TTN: variants seen among roughly 807,000 people sequenced by gnomAD.
TTN encodes connectin.
A neutral mutation model predicts 3,223.0 loss-of-function variants in TTN; 1,525 were observed. That is an observed-to-expected ratio of 0.47 (90% CI 0.45 to 0.49). TTN has a LOEUF of 0.49. Among genes scored for constraint, TTN ranks in the 20% least tolerant of loss-of-function variants. The pLI, the probability that TTN is intolerant of heterozygous loss-of-function variation, is 0.00. For synonymous variants in TTN, 14,094 were observed against 15,161.0 expected (o/e 0.93, Z 5.17); for missense variants, 40,786 against 43,424.0 (o/e 0.94, Z 5.40).
At position 178,683,237 on chromosome 2, in the gene TTN, G is replaced by A. The variant is rs879164831; in HGVS notation, c.32861C>T (p.Pro10954Leu). ...TTTGATGGGTTGAGGTTCTCTTTTT[G>A]GAGCTTCAATTGATACTTTTTCTTC... The part of the protein sequence containing the change: ...VKEEKVSIEA[P>L]KREPQPIKEV... Residue 10954 changes from proline to leucine, a missense_variant, in exon 134 of 363, where the codon CCA (proline) becomes CTA (leucine). Coordinates refer to ENST00000589042, the MANE Select transcript of TTN (RefSeq NM_001267550.2). 3 of 1,552,380 alleles carry A rather than the reference G, an allele frequency of 1.9e-6. No individual in the cohort carries two copies. The highest frequency in any genetic ancestry group is 1.7e-6 in the Non-Finnish European group (2 of 1,145,810).
chr2:178,613,299 G>A, intron 263 of TTN, 23 bp from the exon 264 acceptor site: 2 of 1,545,308 alleles, frequency 1.3e-6, no homozygotes, highest in Non-Finnish European at 1.8e-6. Context: ...CAAAGTGCAT[G>A]TGTATCATCA....
intron 106 of TTN, 94 bp from the exon 107 acceptor site, chr2:178,702,757 G>T: frequency 7.8e-7 from 1 of 1,277,524 alleles, no homozygotes. Context: ...CTCCATCTTT[G>T]TACCCAGTTA....
chr2:178,737,331 C>T (rs1483913438), intron 49 of TTN: 1 of 150,436 alleles, frequency 6.6e-6, no homozygotes, highest in African/African-American at 2.5e-5. Flanking sequence ...GGTGGAGTCT[C>T]GCTATGTTGC....
chr2:178,612,474 G>C lies in TTN; in HGVS notation c.50051C>G (p.Thr16684Ser). 6.2e-7 allele frequency: 1 copy of C among 1,612,258 alleles called. No homozygotes were observed. Among genetic ancestry groups the C allele is most frequent in the Non-Finnish European group, 8.5e-7 (1 of 1,179,180 alleles). The change falls in exon 266 of 363, where the codon ACC becomes AGC. Residue 16684 changes from threonine to serine, a missense_variant. Coordinates refer to ENST00000589042, the MANE Select transcript of TTN (RefSeq NM_001267550.2). ...VPEKDGGSPI[T>S]NYIVEKRDVR... ...GTCTCTCTTTTCCACAATGTAGTTG[G>C]TGATGGGGGACCCTCCATCTTTCTC...
At position 178,618,556 on chromosome 2, in the gene TTN, A is replaced by G. The variant is rs747420979; in HGVS notation, c.46966+28T>C. Reference sequence around the variant, plus strand: ...CTTGCTTTTAAATTGTGCTTTGCCAATTAAGTCTGAGAGACCCAAGGGCTT... The same window carrying G: ...CTTGCTTTTAAATTGTGCTTTGCCAGTTAAGTCTGAGAGACCCAAGGGCTT... On this transcript the variant is annotated intron_variant, in intron 251 of 362. Transcript: ENST00000589042. The G allele has an allele frequency of 5.0e-5, 81 of 1,607,506 alleles. No homozygotes were observed. In the South Asian group the frequency reaches 6.8e-4, roughly 14 times the overall value.
intron 120 of TTN, 117 bp downstream of exon 120, chr2:178,692,380 A>T: frequency 9.8e-7 from 1 of 1,022,864 alleles, no homozygotes; most frequent in African/African-American, 1.6e-5. Flanking sequence ...ATCAATATAC[A>T]CAGAATTAAA....
At chr2:178,665,654 G>A in intron 164 of TTN, 54 bp downstream of exon 164, 1 of 1,290,656 alleles carries the variant, frequency 7.7e-7, no homozygotes, top group Non-Finnish European at 1.0e-6. Flanking sequence ...CTAGCACCCT[G>A]TACATGCTAA....
chr2:178,567,201 G>A lies in TTN; in HGVS notation c.78931C>T (p.Pro26311Ser), dbSNP rs888575364. 4.3e-6 allele frequency: 7 copies of A among 1,612,162 alleles called. No individual in the cohort carries two copies. The highest frequency in any genetic ancestry group is 5.9e-6 in the Non-Finnish European group (7 of 1,178,936). The change falls in exon 326 of 363, where the codon CCA becomes TCA. Residue 26311 changes from proline (P) to serine (S), a missense_variant. Physicochemically the swap from Pro to Ser is moderately conservative, Grantham distance 74. Coordinates refer to ENST00000589042, the MANE Select transcript of TTN (RefSeq NM_001267550.2). ...SEKCSLTWSPPLQDGGSDISH... is the reference protein window; with the variant it reads ...SEKCSLTWSPSLQDGGSDISH... ...ATGTCACTGCCACCATCTTGAAGTG[G>A]TGGAGACCATGTTAAAGAGCATTTT...
At chr2:178,764,865 G>C in intron 41 of TTN, 54 bp from the exon 42 acceptor site, 1 of 1,601,524 alleles carries the variant, frequency 6.2e-7, no homozygotes, top group Non-Finnish European at 8.5e-7. Context: ...ACACAAGAGA[G>C]CATGCAAAAC....
At chr2:178,585,001 CA>C (rs2048611048) in intron 309 of TTN, 33 bp from the exon 310 acceptor site, 1 of 1,608,012 alleles carries the variant, frequency 6.2e-7, no homozygotes, top group African/African-American at 1.3e-5. Flanking sequence ...AATGTAAGAA[CA>C]AGGATTTGAT....
chr2:178,748,239 G>A (rs765826086), intron 47 of TTN: 3 of 1,612,810 alleles, frequency 1.9e-6, no homozygotes, highest in Non-Finnish European at 2.5e-6. Context: ...AAGGATTTAA[G>A]AGAAAGATCA....
chr2:178,800,528 G>T lies in TTN; in HGVS notation c.450C>A (p.Phe150Leu). 5.0e-6 allele frequency: 8 copies of T among 1,614,132 alleles called. No homozygotes were observed. Among genetic ancestry groups the T allele is most frequent in the Non-Finnish European group, 6.8e-6 (8 of 1,180,010 alleles). The change falls in exon 4 of 363, where the codon TTC (phenylalanine) becomes TTA (leucine). Residue 150 changes from phenylalanine (F) to leucine (L), a missense_variant. Physicochemically the swap from Phe to Leu is conservative, Grantham distance 22. Coordinates refer to ENST00000589042, the MANE Select transcript of TTN (RefSeq NM_001267550.2). ...AGAGGTCGCCTTCTTGTGAAATTTGGAAATCAAGGGAGCTCTGGATTTCGG... is the reference window on the plus strand; with the variant it reads ...AGAGGTCGCCTTCTTGTGAAATTTGTAAATCAAGGGAGCTCTGGATTTCGG... ...DGAEIQSSLD[F>L]QISQEGDLYS...
chr2:178,771,593 T>A, intron 33 of TTN, 122 bp from the exon 34 acceptor site: 1 of 1,400,574 alleles, frequency 7.1e-7, no homozygotes, highest in Non-Finnish European at 9.9e-7. Flanking sequence ...ATGAAATGTC[T>A]ATGATTGTTT....
intron 242 of TTN, 34 bp downstream of exon 242, chr2:178,624,431 C>A (rs1358287659): frequency 1.9e-6 from 3 of 1,607,440 alleles, no homozygotes. Context: ...TAAAGAATTG[C>A]AAATGAAAAG....
intron 246 of TTN, 42 bp downstream of exon 246, chr2:178,621,060 A>G: frequency 6.2e-7 from 1 of 1,606,300 alleles, no homozygotes; most frequent in Non-Finnish European, 8.5e-7. Context: ...AATACAAAAC[A>G]AACAAACAAA....
In TTN at chr2:178,711,917, C is replaced by T. The variant is rs758918726; in HGVS notation, c.27886+27G>A. On this transcript the variant is annotated intron_variant, in intron 96 of 362. Transcript: ENST00000589042. ...ATCTTGTTCAAAAGAAACACAAATT[C>T]GTTCACTTTAAAAATATTGCAATCA... 1.4e-5 allele frequency: 21 copies of T among 1,529,456 alleles called. No homozygotes were observed. The East Asian group carries it at 3.2e-4, about 23-fold the overall frequency. The allele number at this position is 1,529,456 out of a possible 1,614,324, so 94.7% of individuals were successfully genotyped here.
At chr2:178,718,274 A>T in intron 85 of TTN, 48 bp downstream of exon 85, 2 of 1,596,948 alleles carry the variant, frequency 1.3e-6, no homozygotes, top group Non-Finnish European at 1.7e-6. Context: ...GTAAAAGAGG[A>T]TGTTTGAAAA....
At chr2:178,747,110 G>T (rs776263104) in intron 47 of TTN, 2 of 1,609,562 alleles carry the variant, frequency 1.2e-6, no homozygotes. Context: ...TCCTGGGGGT[G>T]TGGAGTATCT....
At chr2:178,616,000 T>A (rs1396255119) in intron 257 of TTN, among the ~76,000 whole-genome samples, 1 of 151,924 alleles carries the variant, frequency 6.6e-6, no homozygotes, top group Non-Finnish European at 1.5e-5. Context: ...TTTGTACACA[T>A]GAAAAAAGAT....
Sources: allele counts gnomAD v4.1 joint callset (sites outside exome capture counted in the v4.1 genomes callset), GRCh38; gene constraint gnomAD v4.1.1; transcripts MANE v1.5; gene names NCBI Gene and HGNC (gene_info 2026-07-23, HGNC 2026-07-21).